MMEL1: variants seen among roughly 807,000 people sequenced by gnomAD.
The protein encoded by MMEL1 is membrane metallo-endopeptidase-like 1.
A neutral mutation model predicts 117.1 loss-of-function variants in MMEL1; 98 were observed. The ratio of observed to expected loss-of-function variants is 0.84; its 90% CI spans 0.71 to 0.99. The LOEUF (loss-of-function observed/expected upper bound fraction) is 0.99. MMEL1 is among the 50% of genes least tolerant of loss of function. MMEL1 has a pLI of 0.00. For missense variants in MMEL1, 1,014 were observed against 1,049.1 expected, an observed-to-expected ratio of 0.97 and a Z score of 0.46; for synonymous variants, 390 against 415.1, an observed-to-expected ratio of 0.94 and a Z score of 0.74.
Position 2,590,992 on chromosome 1 carries a change from AC to A in MMEL1, c.2337del (p.Trp779CysfsTer50). ...CGCACAGCGCGGCAGGGCCTTGGCT[AC>A]CACACGCGGCATCGCTCCTTGGGGT... ...PMHPKERCRV[W>X] On this transcript the variant is annotated frameshift_variant, in exon 24 of 24. Transcript: ENST00000378412. LOFTEE classifies it high-confidence loss of function. 6.3e-7 allele frequency: 1 copy of A among 1,583,726 alleles called. No individual in the cohort carries two copies. Among genetic ancestry groups the A allele is most frequent in the Non-Finnish European group, 8.6e-7 (1 of 1,167,052 alleles).
intron 2 of MMEL1, 107 bp downstream of exon 2, chr1:2,629,224 T>G: frequency 2.4e-6 from 3 of 1,276,204 alleles, no homozygotes; most frequent in Non-Finnish European, 3.1e-6. Context: ...CTGCCCCATC[T>G]GACGGGCGGG....
In MMEL1 at chr1:2,609,715, T is replaced by TTGAC. The variant is rs771552038; in HGVS notation, c.408_409insGTCA (p.Ser137ValfsTer5). The TTGAC allele has an allele frequency of 1.2e-6, 2 of 1,613,606 alleles. No individual in the cohort carries two copies. On this transcript the variant is annotated frameshift_variant, in exon 5 of 24. Coordinates refer to ENST00000378412, the MANE Select transcript of MMEL1 (RefSeq NM_033467.4). LOFTEE classifies it high-confidence loss of function. ...TCGTCGCGGAGGACGTCAAAGATGC[T>TTGAC]GTATCTTGAGTTGGTCTCAGGGATC... is the stretch of plus-strand genomic sequence containing the variant.
In MMEL1 at chr1:2,596,111, G is replaced by A. The variant is rs1644834927; in HGVS notation, c.1402-4C>T. The A allele has an allele frequency of 6.2e-7, 1 of 1,613,324 alleles. No individual in the cohort carries two copies. Among genetic ancestry groups the A allele is most frequent in the Non-Finnish European group, 8.5e-7 (1 of 1,179,352 alleles). On this transcript the variant is annotated splice_region_variant and splice_polypyrimidine_tract_variant and intron_variant, in intron 14 of 23. Transcript: ENST00000378412. ...CCTTGTCAATGAGTTCTCTGACCTG[G>A]GAATCGGGCATGGCCCTCGTGTCCC...
At chr1:2,594,194 G>C in intron 18 of MMEL1, 191 bp downstream of exon 18, 1 of 795,052 alleles carries the variant, frequency 1.3e-6, no homozygotes, top group Non-Finnish European at 2.0e-6. Context: ...CGCCTGCCAA[G>C]TCCCTCCCGA....
At chr1:2,616,873 C>T (rs982363080) in intron 2 of MMEL1, among the ~76,000 whole-genome samples, 31 of 152,222 alleles carry the variant, frequency 2.0e-4, no homozygotes, top group African/African-American at 3.1e-4. Context: ...TAGGATTTCC[C>T]GTAGCCTTGT....
At position 2,591,011 on chromosome 1, in the gene MMEL1, C is replaced by T. The variant is rs762031524; in HGVS notation, c.2319G>A (p.Lys773=). 24 of 1,601,272 alleles carry T rather than the reference C, an allele frequency of 1.5e-5. No individual in the cohort carries two copies. The highest frequency in any genetic ancestry group is 1.8e-5 in the Non-Finnish European group (21 of 1,175,420). ...TTGGCTACCACACGCGGCATCGCTC[C>T]TTGGGGTGCATGGGGGTGCCCCGGG... ...HCARGTPMHP[K]ERCRVW is the part of the protein sequence containing the mutation. Residue 773 remains lysine (K), a synonymous_variant, in exon 24 of 24, where the codon AAG becomes AAA. Coordinates refer to ENST00000378412, the MANE Select transcript of MMEL1 (RefSeq NM_033467.4).
chr1:2,603,836 C>G, intron 11 of MMEL1, 48 bp downstream of exon 11: 1 of 1,563,836 alleles, frequency 6.4e-7, no homozygotes, highest in Non-Finnish European at 8.8e-7. Context: ...ATGTCCCCCA[C>G]GAGTCTCCAC....
In MMEL1 at chr1:2,625,226, A is replaced by G. The variant is rs532856211; in HGVS notation, c.154+4105T>C. 1.2e-4 allele frequency among the ~76,000 whole-genome samples: 19 copies of G among 152,308 alleles called. No homozygotes were observed. The East Asian group carries it at 3.3e-3, about 26-fold the overall frequency. On this transcript the variant is annotated intron_variant, in intron 2 of 23. Coordinates refer to ENST00000378412, the MANE Select transcript of MMEL1 (RefSeq NM_033467.4). ...CCCCAAAGTCTGAACTCATTCCGGC[A>G]TTAACTCAAAATTCCGAGTCCAAAG... is the stretch of plus-strand genomic sequence containing the variant.
chr1:2,595,023 G>T lies in MMEL1; in HGVS notation c.1585-130C>A. 1.3e-6 allele frequency: 1 copy of T among 781,058 alleles called. No individual in the cohort carries two copies. The highest frequency in any genetic ancestry group is 2.1e-6 in the Non-Finnish European group (1 of 472,566). The allele number at this position is 781,058 out of a possible 1,614,324, so 48.4% of individuals were successfully genotyped here. On this transcript the variant is annotated intron_variant, in intron 16 of 23. Transcript: ENST00000378412. The surrounding 1 kb of genome is among the most constrained non-coding windows in gnomAD (Gnocchi z 4.8). ...GTCCGCACGTGGACAGTCGGCTGTG[G>T]GTGCAGGTGAACGGGGCAGCCCTGG...
Position 2,612,315 on chromosome 1 carries a change from C to A in MMEL1, c.155-111G>T. ...CTTCCCACAGTGCTGGGTGCTGCAG[C>A]CCTACCCCTGTAGTGAGGGCTGGTC... On this transcript the variant is annotated intron_variant, in intron 2 of 23. Transcript: ENST00000378412. This position sits in a 1 kb window ranked among gnomAD's most constrained non-coding sequence, Gnocchi z 5.4. 1 of 873,282 alleles carries A rather than the reference C, an allele frequency of 1.1e-6. No individual in the cohort carries two copies. The highest frequency in any genetic ancestry group is 1.8e-6 in the Non-Finnish European group (1 of 552,898). The allele number at this position is 873,282 out of a possible 1,614,324, so 54.1% of individuals were successfully genotyped here. A position where few individuals can be genotyped will look rare whatever the true frequency, so the allele number is the denominator to read the frequency against.
rs1422262268 is a variant in MMEL1 at position 2,596,703 on chromosome 1, C to G, written c.1273-14G>C. Reference sequence around the variant, plus strand: ...GCCAAACAGCGCCTGGTGGGGCCACCCGATCATCCCACGGGCCCCCACGTC... The same window carrying G: ...GCCAAACAGCGCCTGGTGGGGCCACGCGATCATCCCACGGGCCCCCACGTC... On this transcript the variant is annotated splice_polypyrimidine_tract_variant and intron_variant, in intron 13 of 23. Coordinates refer to ENST00000378412, the MANE Select transcript of MMEL1 (RefSeq NM_033467.4). 6.2e-7 allele frequency: 1 copy of G among 1,610,466 alleles called. No individual in the cohort carries two copies.
chr1:2,606,675 A>T (rs1645034115), intron 7 of MMEL1, among the ~76,000 whole-genome samples: 1 of 151,940 alleles, frequency 6.6e-6, no homozygotes, highest in Non-Finnish European at 1.5e-5. Flanking sequence ...CCCTGGGGCC[A>T]GGGCCTGGCC....
chr1:2,590,916 C>G lies in MMEL1; in HGVS notation c.*74G>C. The G allele has an allele frequency of 8.3e-7, 1 of 1,201,294 alleles. No homozygotes were observed. The highest frequency in any genetic ancestry group is 1.1e-6 in the Non-Finnish European group (1 of 916,978). The allele number at this position is 1,201,294 out of a possible 1,614,324, so 74.4% of individuals were successfully genotyped here. A position where few individuals can be genotyped will look rare whatever the true frequency, so the allele number is the denominator to read the frequency against. ...CGGGGCGGGACGTACACTGGGTCGCCGCTAGCTGCACCTTCGCACAGATGC... is the reference window on the plus strand; with the variant it reads ...CGGGGCGGGACGTACACTGGGTCGCGGCTAGCTGCACCTTCGCACAGATGC... On this transcript the variant is annotated 3_prime_UTR_variant, in exon 24 of 24. Transcript: ENST00000378412.
chr1:2,607,533 G>C (rs923901293), intron 6 of MMEL1, among the ~76,000 whole-genome samples: 2 of 152,074 alleles, frequency 1.3e-5, no homozygotes, highest in Non-Finnish European at 2.9e-5. Context: ...CCTGTGTCTC[G>C]GCTCAGCACG....
At chr1:2,625,297 T>C (rs1012561614) in intron 2 of MMEL1, among the ~76,000 whole-genome samples, 3 of 152,200 alleles carry the variant, frequency 2.0e-5, no homozygotes, top group African/African-American at 7.2e-5. Flanking sequence ...CCTGTTTGGA[T>C]TCTGGAGGCA....
In MMEL1 at chr1:2,591,499, TGGGGTG is replaced by T. The variant is rs1425489225; in HGVS notation, c.2240+52_2240+57del. The T allele has an allele frequency of 7.2e-6, 10 of 1,384,944 alleles. No homozygotes were observed. The African/African-American group carries it at 1.0e-4, about 14-fold the overall frequency. The allele number at this position is 1,384,944 out of a possible 1,614,324, so 85.8% of individuals were successfully genotyped here. A position where few individuals can be genotyped will look rare whatever the true frequency, so the allele number is the denominator to read the frequency against. On this transcript the variant is annotated intron_variant, in intron 23 of 23. Transcript: ENST00000378412. ...TGTGCTTTCTTCTTTTACAGGCCAC[TGGGGTG>T]GGGGTGAGGGGGTTGTGGGTGGCAA...
intron 12 of MMEL1, among the ~76,000 whole-genome samples, 163 bp from the exon 13 acceptor site, chr1:2,598,463 C>T (rs982513819): frequency 4.6e-5 from 7 of 152,192 alleles, no homozygotes; most frequent in African/African-American, 9.7e-5. Context: ...CCATCTGCCC[C>T]GGGTGCTTGG....
intron 2 of MMEL1, 23 bp downstream of exon 2, chr1:2,629,308 G>A (rs948323412): frequency 8.6e-6 from 13 of 1,515,894 alleles, no homozygotes; most frequent in South Asian, 3.7e-5. Flanking sequence ...GGGGACAGGC[G>A]GGGGCGGGGC....
chr1:2,628,555 C>T (rs1025486350), intron 2 of MMEL1, among the ~76,000 whole-genome samples: 1 of 152,204 alleles, frequency 6.6e-6, no homozygotes, highest in African/African-American at 2.4e-5. Context: ...TGCGCGCTGC[C>T]CGGTCTCAGA....
Sources: gnomAD v4.1 joint callset for allele counts (sites outside exome capture counted in the v4.1 genomes callset) on GRCh38, gnomAD v4.1.1 for gene constraint, Gnocchi (gnomAD v3.1) non-coding constraint, MANE v1.5 for transcripts, NCBI Gene and HGNC (gene_info 2026-07-23, HGNC 2026-07-21) for gene names.